Variants in SAMD4A observed in about 807,000 individuals in gnomAD.
The protein encoded by SAMD4A is sterile alpha motif domain containing 4A.
In SAMD4A, 33 loss-of-function variants were observed where a neutral mutation model predicts 81.3. The ratio of observed to expected loss-of-function variants is 0.41; its 90% CI spans 0.31 to 0.54. The LOEUF (loss-of-function observed/expected upper bound fraction) is 0.54, where lower values mean the gene tolerates loss of function less well. Ranked by LOEUF, SAMD4A falls within the 20% of genes least tolerant of loss-of-function variation. SAMD4A has a pLI of 0.37. For missense variants in SAMD4A, 854 were observed against 951.1 expected, an observed-to-expected ratio of 0.90 and a Z score of 1.34; for synonymous variants, 389 against 382.1, an observed-to-expected ratio of 1.02 and a Z score of -0.21.
At chr14:54,774,850 A>G in intron 9 of SAMD4A, 84 bp from the exon 10 acceptor site, 1 of 1,275,698 alleles carries the variant, frequency 7.8e-7, no homozygotes. Flanking sequence ...GAGACCTCCA[A>G]GGCGACATCC....
intron 3 of SAMD4A, among the ~76,000 whole-genome samples, chr14:54,712,627 G>A (rs1214495542): frequency 1.3e-5 from 2 of 152,114 alleles, no homozygotes; most frequent in Non-Finnish European, 2.9e-5. Flanking sequence ...CATGCCTAGT[G>A]TCTGTTTTCC....
intron 2 of SAMD4A, among the ~76,000 whole-genome samples, chr14:54,660,822 A>G (rs1196504821): frequency 1.3e-5 from 2 of 152,204 alleles, no homozygotes; most frequent in Non-Finnish European, 2.9e-5. Flanking sequence ...CTTCCATTAG[A>G]CTTGGTATCC....
intron 6 of SAMD4A, among the ~76,000 whole-genome samples, chr14:54,752,739 C>T (rs1330561033): frequency 1.3e-5 from 2 of 152,124 alleles, no homozygotes; most frequent in African/African-American, 2.4e-5. Flanking sequence ...ACTCAGCATA[C>T]GAAGGACCTG....
At chr14:54,579,495 A>G (rs7155641) in intron 2 of SAMD4A, among the ~76,000 whole-genome samples, 71,570 of 152,108 alleles carry the variant, frequency 0.47, 18,141 homozygotes, top group African/African-American at 0.66. Context: ...GCAATTGAAC[A>G]AAAAACATGT....
At chr14:54,679,464 C>T (rs1428423714) in intron 2 of SAMD4A, among the ~76,000 whole-genome samples, 3 of 152,180 alleles carry the variant, frequency 2.0e-5, no homozygotes, top group Non-Finnish European at 4.4e-5. Context: ...GCATGTTCTC[C>T]CCTTTCCAGA....
intron 2 of SAMD4A, among the ~76,000 whole-genome samples, chr14:54,604,950 A>G (rs1041508183): frequency 7.2e-5 from 11 of 152,118 alleles, no homozygotes; most frequent in Non-Finnish European, 1.2e-4. Context: ...TTTATTTGTG[A>G]GCAGTTATAT....
At chr14:54,772,794 A>G (rs1414163173) in intron 9 of SAMD4A, among the ~76,000 whole-genome samples, 1 of 151,902 alleles carries the variant, frequency 6.6e-6, no homozygotes, top group East Asian at 1.9e-4. Flanking sequence ...CAGAACTCAA[A>G]GGACTAGTTT....
At chr14:54,617,052 A>G (rs994046355) in intron 2 of SAMD4A, among the ~76,000 whole-genome samples, 1 of 152,186 alleles carries the variant, frequency 6.6e-6, no homozygotes, top group Non-Finnish European at 1.5e-5. Flanking sequence ...GATGAATTAC[A>G]AATATACAAA....
chr14:54,690,480 G>C (rs2036404995), intron 2 of SAMD4A, among the ~76,000 whole-genome samples: 1 of 152,032 alleles, frequency 6.6e-6, no homozygotes, highest in Non-Finnish European at 1.5e-5. Context: ...GAGGGCCTAG[G>C]AGTACTTTAG....
At chr14:54,741,746 G>C (rs150553316) in intron 4 of SAMD4A, among the ~76,000 whole-genome samples, 292 of 152,312 alleles carry the variant, frequency 1.9e-3, no homozygotes, top group African/African-American at 5.4e-3. Flanking sequence ...GAGAGGCCTA[G>C]AGCTGAGTCT....
intron 2 of SAMD4A, among the ~76,000 whole-genome samples, chr14:54,684,898 G>A (rs1302936670): frequency 6.6e-6 from 1 of 152,250 alleles, no homozygotes; most frequent in Non-Finnish European, 1.5e-5. Context: ...GAGAAGCTGA[G>A]CGCAGTCCAC....
At chr14:54,571,663 A>G (rs1321130978) in intron 2 of SAMD4A, among the ~76,000 whole-genome samples, 2 of 152,240 alleles carry the variant, frequency 1.3e-5, no homozygotes, top group Non-Finnish European at 2.9e-5. Context: ...GTTAAATACA[A>G]GAGAAAAGGG....
intron 6 of SAMD4A, among the ~76,000 whole-genome samples, chr14:54,758,612 C>T (rs1439148541): frequency 2.0e-5 from 3 of 152,164 alleles, no homozygotes; most frequent in Non-Finnish European, 2.9e-5. Context: ...GACGGACCAC[C>T]TGGGGTCAGA....
intron 2 of SAMD4A, among the ~76,000 whole-genome samples, chr14:54,612,639 G>A (rs1039615978): frequency 6.6e-6 from 1 of 152,054 alleles, no homozygotes; most frequent in Non-Finnish European, 1.5e-5. Flanking sequence ...CAGGCAAAAA[G>A]AAAAATTTGT....
At chr14:54,624,608 G>C (rs1318916471) in intron 2 of SAMD4A, among the ~76,000 whole-genome samples, 2 of 152,238 alleles carry the variant, frequency 1.3e-5, no homozygotes, top group African/African-American at 2.4e-5. Context: ...AGTAAATGCT[G>C]TCTCCTCTCT....
chr14:54,574,819 A>G (rs2033240595), intron 2 of SAMD4A, among the ~76,000 whole-genome samples: 1 of 152,228 alleles, frequency 6.6e-6, no homozygotes, highest in Non-Finnish European at 1.5e-5. Flanking sequence ...CTCAAAATTT[A>G]GTTGCACGCA....
rs546363085 is a variant in SAMD4A at position 54,600,794 on chromosome 14, C to T, written c.196+32682C>T. ...CACAGTACATTGAAATGTTCACCAA[C>T]AACCTTAATCCTTTCTTGGGGAAGA... On this transcript the variant is annotated intron_variant, in intron 2 of 12. Transcript: ENST00000554335. Among the ~76,000 whole-genome samples the T allele has an allele frequency of 5.3e-5, 8 of 152,324 alleles. No individual in the cohort carries two copies. The South Asian group carries it at 1.7e-3, about 32-fold the overall frequency.
At chr14:54,771,940 G>C (rs1229101416) in intron 9 of SAMD4A, among the ~76,000 whole-genome samples, 1 of 152,306 alleles carries the variant, frequency 6.6e-6, no homozygotes, top group East Asian at 1.9e-4. Flanking sequence ...CACTTGGATT[G>C]GGCTAACCCA....
chr14:54,707,179 C>T (rs1175996450), intron 3 of SAMD4A, among the ~76,000 whole-genome samples: 1 of 149,324 alleles, frequency 6.7e-6, no homozygotes, highest in African/African-American at 2.5e-5. Context: ...TCATGGCTCA[C>T]AGCAGCATCA....
Sources: gnomAD v4.1 joint callset for allele counts (sites outside exome capture counted in the v4.1 genomes callset) on GRCh38, gnomAD v4.1.1 for gene constraint, MANE v1.5 for transcripts, NCBI Gene and HGNC (gene_info 2026-07-23, HGNC 2026-07-21) for gene names.